Variants in MSI2 observed in about 807,000 individuals in gnomAD.
The protein encoded by MSI2 is musashi RNA binding protein 2.
In MSI2, 17 loss-of-function variants were observed where a neutral mutation model predicts 45.6. The observed-to-expected ratio is 0.37, with a 90% CI of 0.26 to 0.56. The LOEUF is 0.56. MSI2 is among the 20% of genes least tolerant of loss of function. MSI2 has a pLI of 0.77. For synonymous variants in MSI2, 156 were observed against 158.2 expected (o/e 0.99, Z 0.11); for missense variants, 293 against 444.2 (o/e 0.66, Z 3.06).
intron 6 of MSI2, among the ~76,000 whole-genome samples, chr17:57,455,765 C>T (rs1027609816): frequency 3.9e-5 from 6 of 152,102 alleles, no homozygotes; most frequent in South Asian, 2.1e-4. Flanking sequence ...GAAGCAGGGC[C>T]GCGTGGAGTG....
intron 6 of MSI2, among the ~76,000 whole-genome samples, chr17:57,426,238 A>G (rs562456349): frequency 1.3e-5 from 2 of 152,224 alleles, no homozygotes; most frequent in African/African-American, 2.4e-5. Context: ...TCCTAGCTGC[A>G]TACCGGTTTT....
At chr17:57,674,063 C>T (rs1299929862) in intron 11 of MSI2, among the ~76,000 whole-genome samples, 2 of 151,522 alleles carry the variant, frequency 1.3e-5, no homozygotes, top group Non-Finnish European at 2.9e-5. Context: ...GCTCTGGCCC[C>T]AGCCTCCAGG....
chr17:57,362,530 A>G (rs144616957), intron 5 of MSI2, among the ~76,000 whole-genome samples: 2 of 152,298 alleles, frequency 1.3e-5, no homozygotes, highest in African/African-American at 4.8e-5. Flanking sequence ...TGTTGTAATG[A>G]TCCGTCAACT....
At chr17:57,570,684 C>A (rs1025776891) in intron 7 of MSI2, among the ~76,000 whole-genome samples, 1 of 152,176 alleles carries the variant, frequency 6.6e-6, no homozygotes, top group Non-Finnish European at 1.5e-5. Flanking sequence ...GAAAAGCCAA[C>A]AACCAAAAAC....
chr17:57,414,641 CT>C (rs758515009), intron 6 of MSI2, among the ~76,000 whole-genome samples: 1 of 152,240 alleles, frequency 6.6e-6, no homozygotes, highest in Admixed American at 6.5e-5. Context: ...AGGTGAGCAT[CT>C]GCCCGTGTTG....
intron 10 of MSI2, among the ~76,000 whole-genome samples, chr17:57,635,580 G>C (rs1909774734): frequency 6.6e-6 from 1 of 152,282 alleles, no homozygotes; most frequent in Non-Finnish European, 1.5e-5. Context: ...GTGGCCAGGA[G>C]GCCAAGCTAA....
At chr17:57,500,790 CAAAA>C (rs58479533) in intron 6 of MSI2, among the ~76,000 whole-genome samples, 9 of 107,120 alleles carry the variant, frequency 8.4e-5, no homozygotes, top group Admixed American at 1.9e-4. Context: ...CTGTCTCTAC[CAAAA>C]AAAAAAAAAA....
intron 7 of MSI2, among the ~76,000 whole-genome samples, chr17:57,549,312 C>CTT (rs33917812): frequency 0.29 from 35,754 of 124,016 alleles, 5,214 homozygotes; most frequent in African/African-American, 0.36. Context: ...CCCCACTGCC[C>CTT]TTTTTTTTTT....
In MSI2 at chr17:57,627,310, G is replaced by A. The variant is rs1376563509; in HGVS notation, c.727+7G>A. Reference sequence around the variant, plus strand: ...TATGGCTATCAGTTCCCAGGTGAGTGGCTTGGTCTCCCAGGGCTTTGGAAG... The same window carrying A: ...TATGGCTATCAGTTCCCAGGTGAGTAGCTTGGTCTCCCAGGGCTTTGGAAG... On this transcript the variant is annotated splice_region_variant and intron_variant, in intron 10 of 13. Coordinates refer to ENST00000284073, the MANE Select transcript of MSI2 (RefSeq NM_138962.4). The surrounding 1 kb of genome is among the most constrained non-coding windows in gnomAD (Gnocchi z 4.6). 4.3e-6 allele frequency: 7 copies of A among 1,613,940 alleles called. No homozygotes were observed. The highest frequency in any genetic ancestry group is 5.9e-6 in the Non-Finnish European group (7 of 1,179,918).
chr17:57,530,156 G>A (rs1179930312), intron 7 of MSI2, among the ~76,000 whole-genome samples: 3 of 152,192 alleles, frequency 2.0e-5, no homozygotes, highest in Non-Finnish European at 4.4e-5. Context: ...AAACATTGTA[G>A]GTTCGTTGGG....
In MSI2 at chr17:57,657,104, G is replaced by A. The variant is rs368455026; in HGVS notation, c.790+4943G>A. Among the ~76,000 whole-genome samples, 5 of 152,306 alleles carry A rather than the reference G, an allele frequency of 3.3e-5. No homozygotes were observed. In the East Asian group the frequency reaches 5.8e-4, roughly 18 times the overall value. On this transcript the variant is annotated intron_variant, in intron 11 of 13. Coordinates refer to ENST00000284073, the MANE Select transcript of MSI2 (RefSeq NM_138962.4). ...GTGGGAGACAGAAGCCCAGGAAAAC[G>A]TCGGAGTCCATAAAGTCCCCTGAGA...
At chr17:57,688,611 A>G (rs74995383), downstream of MSI2, among the ~76,000 whole-genome samples, 527 of 152,310 alleles carry the variant, frequency 3.5e-3, 3 homozygotes, top group African/African-American at 0.012. Context: ...AATATCTTTG[A>G]AAAATACATA....
chr17:57,539,563 G>A (rs960681967), intron 7 of MSI2, among the ~76,000 whole-genome samples: 38 of 16,932 alleles, frequency 2.2e-3, no homozygotes, highest in African/African-American at 0.01. Flanking sequence ...ACGGTGGCAC[G>A]TGCCTGTAAT....
At chr17:57,512,601 A>G (rs1187352769) in intron 6 of MSI2, among the ~76,000 whole-genome samples, 3 of 152,224 alleles carry the variant, frequency 2.0e-5, no homozygotes, top group Non-Finnish European at 2.9e-5. Flanking sequence ...TTGGCTGTAA[A>G]TCACAGAAAC....
chr17:57,281,190 A>G (rs573618894), intron 5 of MSI2, among the ~76,000 whole-genome samples: 41 of 151,842 alleles, frequency 2.7e-4, no homozygotes, highest in African/African-American at 9.7e-4. Context: ...GGCAAGGCCC[A>G]CTCCCCTGTG....
intron 7 of MSI2, among the ~76,000 whole-genome samples, chr17:57,591,970 C>T (rs1904871880): frequency 1.3e-5 from 2 of 151,724 alleles, no homozygotes; most frequent in Non-Finnish European, 2.9e-5. Context: ...GTCAGGAGCT[C>T]GAGACCAGCC....
intron 5 of MSI2, among the ~76,000 whole-genome samples, chr17:57,319,637 G>A (rs1913161268): frequency 6.6e-6 from 1 of 152,152 alleles, no homozygotes; most frequent in Admixed American, 6.5e-5. Context: ...GTTTTTGACA[G>A]GGTCTCACTC....
At chr17:57,690,611 C>G in the MSI2 span, among the ~76,000 whole-genome samples, 2 of 152,070 alleles carry the variant, frequency 1.3e-5, no homozygotes, top group Non-Finnish European at 2.9e-5. Context: ...AGTGCAAGAC[C>G]CTGTCTGTCT....
At chr17:57,671,054 C>A (rs1211992898) in intron 11 of MSI2, among the ~76,000 whole-genome samples, 2 of 152,074 alleles carry the variant, frequency 1.3e-5, no homozygotes, top group Non-Finnish European at 2.9e-5. Flanking sequence ...TTCCTTACAT[C>A]ATTGCTGCCT....
Sources: gnomAD v4.1 joint callset for allele counts (sites outside exome capture counted in the v4.1 genomes callset) on GRCh38, gnomAD v4.1.1 for gene constraint, Gnocchi (gnomAD v3.1) non-coding constraint, MANE v1.5 for transcripts, NCBI Gene and HGNC (gene_info 2026-07-23, HGNC 2026-07-21) for gene names.